The following STAG1 variants were observed in gnomAD, a reference collection of about 807,000 sequenced individuals.
STAG1 encodes STAG1 cohesin complex component.
Under a neutral mutation model 170.9 loss-of-function variants are expected in STAG1, and 26 were observed. The ratio of observed to expected loss-of-function variants is 0.15; its 90% confidence interval spans 0.11 to 0.21. The LOEUF (loss-of-function observed/expected upper bound fraction) is 0.21, where lower values mean the gene tolerates loss of function less well. Among genes scored for constraint, STAG1 ranks in the 10% least tolerant of loss-of-function variants. The probability of loss-of-function intolerance (pLI) is 1.00; values close to 1 mark genes in which losing one functional copy is unlikely to be tolerated. For missense variants in STAG1, 964 were observed against 1,509.5 expected (o/e 0.64, Z 5.99); for synonymous variants, 514 against 497.7 (o/e 1.03, Z -0.44).
At chr3:136,479,223 C>T (rs565342055) in intron 9 of STAG1, among the ~76,000 whole-genome samples, 1 of 119,062 alleles carries the variant, frequency 8.4e-6, no homozygotes, top group Non-Finnish European at 1.7e-5. Context: ...GCTATCCCTC[C>T]CCCCTCCCCT....
intron 1 of STAG1, among the ~76,000 whole-genome samples, chr3:136,659,296 TTG>T (rs1159096255): frequency 6.6e-6 from 1 of 152,216 alleles, no homozygotes; most frequent in Non-Finnish European, 1.5e-5. Flanking sequence ...TCCAGCAAAA[TTG>T]TGTTAACAGT....
chr3:136,750,282 G>A (rs1337017905), intron 1 of STAG1, among the ~76,000 whole-genome samples: 1 of 152,020 alleles, frequency 6.6e-6, no homozygotes, highest in Non-Finnish European at 1.5e-5. Context: ...CAGAGTAGCT[G>A]GAACTACAGG....
chr3:136,642,096 G>A (rs1030399599), intron 1 of STAG1, among the ~76,000 whole-genome samples: 2 of 152,016 alleles, frequency 1.3e-5, no homozygotes, highest in African/African-American at 4.8e-5. Flanking sequence ...CTTGGCATTA[G>A]TGCTATGTAA....
intron 8 of STAG1, among the ~76,000 whole-genome samples, chr3:136,502,191 C>A (rs890260660): frequency 8.6e-5 from 13 of 151,400 alleles, no homozygotes; most frequent in Non-Finnish European, 1.9e-4. Flanking sequence ...AAAAAAAAAA[C>A]AGTATAAAAT....
chr3:136,733,275 A>C (rs1356190048), intron 1 of STAG1, among the ~76,000 whole-genome samples: 1 of 151,732 alleles, frequency 6.6e-6, no homozygotes, highest in Non-Finnish European at 1.5e-5. Flanking sequence ...TTGTAGAGAC[A>C]GGGTTTCGCT....
chr3:136,620,946 T>C (rs1212702908), intron 3 of STAG1, among the ~76,000 whole-genome samples: 1 of 152,094 alleles, frequency 6.6e-6, no homozygotes, highest in African/African-American at 2.4e-5. Context: ...ACAACATTGG[T>C]GAAACCCCAT....
chr3:136,466,950 T>C (rs995744252), intron 12 of STAG1, among the ~76,000 whole-genome samples: 2 of 152,090 alleles, frequency 1.3e-5, no homozygotes, highest in Admixed American at 6.5e-5. Context: ...GACAAACAAA[T>C]GCTAAGAGAT....
chr3:136,401,220 A>G (rs1323131846), intron 21 of STAG1, among the ~76,000 whole-genome samples: 2 of 152,184 alleles, frequency 1.3e-5, no homozygotes, highest in South Asian at 2.1e-4. Flanking sequence ...GAGAATATCA[A>G]TATTATTAGG....
At chr3:136,461,714 T>C (rs2089280360) in intron 13 of STAG1, among the ~76,000 whole-genome samples, 1 of 151,974 alleles carries the variant, frequency 6.6e-6, no homozygotes, top group South Asian at 2.1e-4. Flanking sequence ...TGAGATTATA[T>C]TAAGCAAAAA....
intron 14 of STAG1, among the ~76,000 whole-genome samples, chr3:136,448,169 C>G (rs1363095877): frequency 6.6e-6 from 1 of 152,082 alleles, no homozygotes; most frequent in Non-Finnish European, 1.5e-5. Context: ...CAAACTGATT[C>G]CAATTCAACA....
chr3:136,569,764 G>T (rs1937203031), intron 4 of STAG1, among the ~76,000 whole-genome samples: 1 of 151,968 alleles, frequency 6.6e-6, no homozygotes, highest in Middle Eastern at 3.2e-3. Context: ...AAATGGATTA[G>T]TAGCTTGTTC....
chr3:136,563,647 C>CAAA (rs772716937), intron 5 of STAG1, among the ~76,000 whole-genome samples: 21 of 97,742 alleles, frequency 2.1e-4, no homozygotes, highest in East Asian at 3.2e-4. Flanking sequence ...TTCTTTCTTA[C>CAAA]AAAAAAAAAA....
intron 1 of STAG1, among the ~76,000 whole-genome samples, chr3:136,646,497 T>C (rs1456966408): frequency 1.3e-5 from 2 of 152,230 alleles, no homozygotes; most frequent in Non-Finnish European, 2.9e-5. Flanking sequence ...AATCACTCTT[T>C]ATCCTTCAAT....
At chr3:136,599,500 C>T (rs879644112) in intron 4 of STAG1, among the ~76,000 whole-genome samples, 1 of 152,106 alleles carries the variant, frequency 6.6e-6, no homozygotes, top group Non-Finnish European at 1.5e-5. Flanking sequence ...CACTGCACTC[C>T]AGCCTGGGTG....
At chr3:136,549,266 G>A (rs1025035021) in intron 5 of STAG1, among the ~76,000 whole-genome samples, 4 of 151,926 alleles carry the variant, frequency 2.6e-5, no homozygotes, top group African/African-American at 9.6e-5. Context: ...TTACTTTGCC[G>A]AATTGATTGA....
At chr3:136,512,736 T>A (rs1468010982) in intron 7 of STAG1, among the ~76,000 whole-genome samples, 5 of 144,122 alleles carry the variant, frequency 3.5e-5, no homozygotes, top group East Asian at 2.0e-4. Flanking sequence ...TGAGGATCTA[T>A]AAAAAAAAAA....
chr3:136,351,275 A>G (rs1205695401), intron 28 of STAG1, among the ~76,000 whole-genome samples: 1 of 151,842 alleles, frequency 6.6e-6, no homozygotes, highest in Non-Finnish European at 1.5e-5. Context: ...CATTTCACAT[A>G]TTTCTTCTTA....
At chr3:136,725,701 G>T (rs1210536698) in intron 1 of STAG1, among the ~76,000 whole-genome samples, 1 of 152,142 alleles carries the variant, frequency 6.6e-6, no homozygotes, top group African/African-American at 2.4e-5. Context: ...ATATCCCTGA[G>T]AACAGATAAG....
chr3:136,537,348 A>G (rs993179190), intron 6 of STAG1, among the ~76,000 whole-genome samples: 10 of 152,202 alleles, frequency 6.6e-5, no homozygotes, highest in Non-Finnish European at 1.3e-4. Context: ...TTTGTGTCAC[A>G]AAACAAATTT....
Sources: allele counts gnomAD v4.1 joint callset (sites outside exome capture counted in the v4.1 genomes callset), GRCh38; gene constraint gnomAD v4.1.1; transcripts MANE v1.5; gene names NCBI Gene and HGNC (gene_info 2026-07-23, HGNC 2026-07-21).